The following EPB41L5 variants were observed in gnomAD, a reference collection of about 807,000 sequenced individuals.
EPB41L5 encodes the protein band 4.1-like protein 5.
In EPB41L5, 55 loss-of-function variants were observed where a neutral mutation model predicts 106.6. The observed-to-expected ratio is 0.52, with a 90% confidence interval of 0.42 to 0.65. The LOEUF (loss-of-function observed/expected upper bound fraction) is 0.65. Ranked by LOEUF, EPB41L5 falls within the 30% of genes least tolerant of loss-of-function variation. The pLI is 0.00. For missense variants in EPB41L5, 871 were observed against 882.1 expected (o/e 0.99, Z 0.16); for synonymous variants, 297 against 306.7 (o/e 0.97, Z 0.33).
intron 3 of EPB41L5, among the ~76,000 whole-genome samples, chr2:120,056,904 CT>C (rs2105267508): frequency 6.6e-6 from 1 of 152,048 alleles, no homozygotes; most frequent in Non-Finnish European, 1.5e-5. Flanking sequence ...ATTTTCTTTT[CT>C]TTCCATTTTG....
At chr2:120,151,687 G>A (rs906172339) in intron 20 of EPB41L5, among the ~76,000 whole-genome samples, 11 of 148,108 alleles carry the variant, frequency 7.4e-5, no homozygotes, top group African/African-American at 2.8e-4. Context: ...CGCGATTTTG[G>A]TTCACTGCAG....
intron 16 of EPB41L5, chr2:120,104,336 T>G: frequency 4.9e-6 from 7 of 1,427,666 alleles, no homozygotes; most frequent in Non-Finnish European, 6.4e-6. Flanking sequence ...TAGGAGTATT[T>G]GGGAGAATTT....
intron 21 of EPB41L5, among the ~76,000 whole-genome samples, chr2:120,163,123 G>T (rs1574784611): frequency 6.6e-6 from 1 of 152,110 alleles, no homozygotes; most frequent in Non-Finnish European, 1.5e-5. Context: ...GGCATAGTTT[G>T]GCATGCCTGT....
intron 14 of EPB41L5, among the ~76,000 whole-genome samples, chr2:120,096,612 A>C (rs1683773589): frequency 6.6e-6 from 1 of 152,290 alleles, no homozygotes; most frequent in East Asian, 1.9e-4. Context: ...CAACGTGGCA[A>C]GACCCCATCT....
chr2:120,138,125 A>G (rs1482327541), intron 18 of EPB41L5, among the ~76,000 whole-genome samples: 2 of 152,110 alleles, frequency 1.3e-5, no homozygotes. Flanking sequence ...ATTTCAATTG[A>G]TGCTGAAAAA....
chr2:120,131,787 C>G (rs1239426572), intron 18 of EPB41L5, 72 bp downstream of exon 18: 1 of 1,153,398 alleles, frequency 8.7e-7, no homozygotes, highest in Non-Finnish European at 1.3e-6. Context: ...TTTCCAAAGA[C>G]AGTACTTTCT....
At chr2:120,112,681 A>T (rs1252319914) in intron 16 of EPB41L5, among the ~76,000 whole-genome samples, 1 of 152,234 alleles carries the variant, frequency 6.6e-6, no homozygotes, top group Non-Finnish European at 1.5e-5. Context: ...GCTAAGTGCA[A>T]GGTGTAGTCC....
intron 8 of EPB41L5, 28 bp downstream of exon 8, chr2:120,077,119 T>G (rs1299505463): frequency 6.2e-7 from 1 of 1,604,048 alleles, no homozygotes; most frequent in East Asian, 2.2e-5. Context: ...ATACTTTCTT[T>G]AAAATCACCA....
intron 16 of EPB41L5, among the ~76,000 whole-genome samples, chr2:120,118,128 G>A (rs1031526843): frequency 6.6e-6 from 1 of 152,124 alleles, no homozygotes; most frequent in Non-Finnish European, 1.5e-5. Flanking sequence ...CTCCAGCACT[G>A]TATGGGTTAA....
chr2:120,135,444 A>G (rs1685881754), intron 18 of EPB41L5, among the ~76,000 whole-genome samples: 1 of 152,206 alleles, frequency 6.6e-6, no homozygotes, highest in Non-Finnish European at 1.5e-5. Flanking sequence ...CAAGAAGGAT[A>G]TAGAACGCCA....
intron 3 of EPB41L5, among the ~76,000 whole-genome samples, chr2:120,071,745 G>A (rs1681883626): frequency 6.6e-6 from 1 of 152,090 alleles, no homozygotes. Flanking sequence ...ACTGAACCTG[G>A]ACCCTTCCTT....
At chr2:120,062,993 G>A (rs1352634287) in intron 3 of EPB41L5, among the ~76,000 whole-genome samples, 1 of 152,126 alleles carries the variant, frequency 6.6e-6, no homozygotes, top group Non-Finnish European at 1.5e-5. Context: ...GTATTTTGAA[G>A]TGGTCAGAAT....
intron 16 of EPB41L5, among the ~76,000 whole-genome samples, chr2:120,103,210 T>C (rs1186128386): frequency 6.6e-6 from 1 of 152,236 alleles, no homozygotes; most frequent in African/African-American, 2.4e-5. Context: ...TTTGTAGTTA[T>C]TTTAAATATA....
rs146977290 is a variant in EPB41L5, at chr2:120,095,522, A to G, written c.1178+2246A>G. The stretch of plus-strand genomic sequence containing the variant: ...ATACTTTTTTTTTTTTAGACTACAT[A>G]ATCTCACTTGACCTGTCCTCAAGCT... On this transcript the variant is annotated intron_variant, in intron 14 of 24. Transcript: ENST00000263713. Among the ~76,000 whole-genome samples, 555 of 150,374 alleles carry G rather than the reference A, an allele frequency of 3.7e-3. 2 individuals carry two copies. The highest frequency in any genetic ancestry group is 6.1e-3 in the Admixed American group (92 of 15,150).
chr2:120,156,564 G>T (rs1488375455), intron 20 of EPB41L5, among the ~76,000 whole-genome samples: 1 of 152,198 alleles, frequency 6.6e-6, no homozygotes, highest in East Asian at 1.9e-4. Context: ...TGCCACTGCA[G>T]TCACAACCTT....
intron 10 of EPB41L5, among the ~76,000 whole-genome samples, chr2:120,083,007 T>C (rs1682790787): frequency 6.6e-6 from 1 of 152,206 alleles, no homozygotes; most frequent in Non-Finnish European, 1.5e-5. Context: ...TCTTCTTTAT[T>C]AGTCTTGCTA....
At chr2:120,014,189 A>G (rs1389641962) in intron 1 of EPB41L5, among the ~76,000 whole-genome samples, 1 of 152,246 alleles carries the variant, frequency 6.6e-6, no homozygotes, top group Non-Finnish European at 1.5e-5. Context: ...TGTGGCCACC[A>G]GTCATGTAAG....
intron 3 of EPB41L5, among the ~76,000 whole-genome samples, chr2:120,043,093 G>A (rs1679521628): frequency 6.6e-6 from 1 of 150,834 alleles, no homozygotes; most frequent in South Asian, 2.1e-4. Flanking sequence ...TCTGGGCTAA[G>A]TTTACAGCTG....
chr2:120,084,222 A>G (rs1439273003), intron 10 of EPB41L5, among the ~76,000 whole-genome samples: 3 of 152,132 alleles, frequency 2.0e-5, no homozygotes, highest in African/African-American at 7.2e-5. Context: ...CCTAGCATCG[A>G]TGGTCTTTAC....
Sources: gnomAD v4.1 joint callset for allele counts (sites outside exome capture counted in the v4.1 genomes callset) on GRCh38, gnomAD v4.1.1 for gene constraint, MANE v1.5 for transcripts, NCBI Gene and HGNC (gene_info 2026-07-23, HGNC 2026-07-21) for gene names.